Variants in RPTOR observed in about 807,000 individuals in gnomAD.
RPTOR encodes regulatory-associated protein of mTOR.
Under a neutral mutation model 169.9 loss-of-function variants are expected in RPTOR, and 21 were observed. The observed-to-expected ratio is 0.12, with a 90% CI of 0.09 to 0.18. The LOEUF (loss-of-function observed/expected upper bound fraction) is 0.18. Ranked by LOEUF, RPTOR falls within the 10% of genes least tolerant of loss-of-function variation. The probability of loss-of-function intolerance (pLI) is 1.00; values close to 1 mark genes in which losing one functional copy is unlikely to be tolerated. For missense variants in RPTOR, 1,133 were observed against 1,855.9 expected (o/e 0.61, Z 7.16); for synonymous variants, 732 against 753.2 (o/e 0.97, Z 0.46).
chr17:80,667,137 C>A (rs2065786730), intron 3 of RPTOR, among the ~76,000 whole-genome samples: 1 of 152,154 alleles, frequency 6.6e-6, no homozygotes, highest in Non-Finnish European at 1.5e-5. Context: ...TCTGCTGGAT[C>A]CCTGCCCCGG....
chr17:80,817,277 T>C (rs1291416857), intron 7 of RPTOR, among the ~76,000 whole-genome samples: 1 of 152,038 alleles, frequency 6.6e-6, no homozygotes, highest in Non-Finnish European at 1.5e-5. Flanking sequence ...CTCCCAAGTT[T>C]AGGCCTGGAA....
chr17:80,855,680 C>T (rs942224078), intron 12 of RPTOR, 133 bp downstream of exon 12: 11 of 709,624 alleles, frequency 1.6e-5, no homozygotes, highest in African/African-American at 3.4e-5. Context: ...GTGTGTCCAC[C>T]GTGTTGGTGT....
At chr17:80,827,699 C>A (rs1239428628) in intron 9 of RPTOR, among the ~76,000 whole-genome samples, 1 of 152,156 alleles carries the variant, frequency 6.6e-6, no homozygotes, top group Non-Finnish European at 1.5e-5. Context: ...AGTAAAGTCG[C>A]AGAGCCCAGG....
rs2066152116 is a variant in RPTOR at position 80,707,699 on chromosome 17, G to GT, written c.349-138dup. On this transcript the variant is annotated intron_variant, in intron 3 of 33. Transcript: ENST00000306801. The surrounding 1 kb of genome is among the most constrained non-coding windows in gnomAD (Gnocchi z 5.0). ...GAGCCAGGGTGCCTGGCATTACCTG[G>GT]TTTTATAGATGGAGAAACTCAGAGC... 2.6e-6 allele frequency: 2 copies of GT among 778,120 alleles called. No individual in the cohort carries two copies. The highest frequency in any genetic ancestry group is 3.8e-6 in the Non-Finnish European group (2 of 523,240). 48.2% of individuals were successfully genotyped at this position (778,120 alleles called of 1,614,324 possible). A position where few individuals can be genotyped will look rare whatever the true frequency, so the allele number is the denominator to read the frequency against.
intron 3 of RPTOR, among the ~76,000 whole-genome samples, chr17:80,676,091 G>A (rs1320612047): frequency 6.6e-6 from 1 of 152,166 alleles, no homozygotes; most frequent in East Asian, 1.9e-4. Flanking sequence ...ATACGCATTA[G>A]GTGGATAGTT....
At chr17:80,897,987 C>A (rs768363566) in intron 20 of RPTOR, among the ~76,000 whole-genome samples, 1 of 152,188 alleles carries the variant, frequency 6.6e-6, no homozygotes, top group Admixed American at 6.5e-5. Flanking sequence ...GCCGTCATTC[C>A]CTGTCCTCGG....
chr17:80,611,044 G>A (rs1056533221), intron 1 of RPTOR, among the ~76,000 whole-genome samples: 2 of 152,114 alleles, frequency 1.3e-5, no homozygotes, highest in Non-Finnish European at 1.5e-5. Context: ...TTTTTCCTGG[G>A]AGTCTTGTGG....
intron 6 of RPTOR, among the ~76,000 whole-genome samples, chr17:80,788,551 C>A (rs2067016514): frequency 6.6e-6 from 1 of 152,186 alleles, no homozygotes; most frequent in Non-Finnish European, 1.5e-5. Flanking sequence ...CACTGTCTTC[C>A]TGCATCCTGT....
chr17:80,610,342 G>GC (rs2065261194), intron 1 of RPTOR, among the ~76,000 whole-genome samples: 1 of 152,176 alleles, frequency 6.6e-6, no homozygotes, highest in African/African-American at 2.4e-5. Flanking sequence ...CGTCTGAATT[G>GC]TGTTCATGGA....
intron 12 of RPTOR, 62 bp downstream of exon 12, chr17:80,855,609 T>C: frequency 1.6e-6 from 2 of 1,249,272 alleles, no homozygotes; most frequent in East Asian, 2.3e-5. Context: ...AGGCTCCGTG[T>C]TTCAGTCTGT....
intron 7 of RPTOR, among the ~76,000 whole-genome samples, chr17:80,808,540 G>A (rs734338): frequency 0.42 from 64,095 of 152,028 alleles, 13,981 homozygotes; most frequent in South Asian, 0.49. Context: ...TCAAATCAGC[G>A]TTCTTGAGGT....
At chr17:80,546,254 C>G (rs1197401980) in intron 1 of RPTOR, among the ~76,000 whole-genome samples, 2 of 152,148 alleles carry the variant, frequency 1.3e-5, no homozygotes, top group Admixed American at 6.5e-5. Context: ...CAACTAGTAA[C>G]AAATTAGTGC....
At chr17:80,935,657 C>CA (rs998470718) in intron 24 of RPTOR, among the ~76,000 whole-genome samples, 5 of 151,296 alleles carry the variant, frequency 3.3e-5, no homozygotes, top group African/African-American at 1.2e-4. Context: ...AACCAGTTGT[C>CA]AAAAAAAATA....
intron 3 of RPTOR, among the ~76,000 whole-genome samples, chr17:80,669,004 C>CAGAGGCTGG (rs2065801887): frequency 1.3e-5 from 2 of 152,128 alleles, no homozygotes; most frequent in South Asian, 4.1e-4. Context: ...TCTCACACCA[C>CAGAGGCTGG]AGAGGCTGGA....
At chr17:80,614,550 C>T (rs1235811390) in intron 1 of RPTOR, among the ~76,000 whole-genome samples, 2 of 152,216 alleles carry the variant, frequency 1.3e-5, no homozygotes, top group African/African-American at 4.8e-5. Flanking sequence ...GTAAATGTGG[C>T]CTTCCTTGTT....
chr17:80,611,829 T>G (rs908347531), intron 1 of RPTOR, among the ~76,000 whole-genome samples: 1 of 152,072 alleles, frequency 6.6e-6, no homozygotes, highest in Non-Finnish European at 1.5e-5. Flanking sequence ...ATGCAGAGGT[T>G]TTTCCCCCCC....
intron 5 of RPTOR, among the ~76,000 whole-genome samples, chr17:80,742,844 A>T (rs2066498179): frequency 6.6e-6 from 1 of 152,048 alleles, no homozygotes; most frequent in African/African-American, 2.4e-5. Flanking sequence ...ATACATAAAC[A>T]TACACATATA....
At chr17:80,637,883 G>A (rs555207849) in intron 2 of RPTOR, among the ~76,000 whole-genome samples, 2 of 152,358 alleles carry the variant, frequency 1.3e-5, no homozygotes, top group Admixed American at 6.5e-5. Context: ...CGCCCTTGGC[G>A]GCGGCTCGTG....
chr17:80,881,441 C>T (rs1056874251), intron 14 of RPTOR, among the ~76,000 whole-genome samples: 4 of 152,254 alleles, frequency 2.6e-5, no homozygotes, highest in South Asian at 2.1e-4. Flanking sequence ...GCGACTTGGG[C>T]GCGAGGGTGA....
Sources: gnomAD v4.1 joint callset for allele counts (sites outside exome capture counted in the v4.1 genomes callset) on GRCh38, gnomAD v4.1.1 for gene constraint, Gnocchi (gnomAD v3.1) non-coding constraint, MANE v1.5 for transcripts, NCBI Gene and HGNC (gene_info 2026-07-23, HGNC 2026-07-21) for gene names.